MRAS: variants seen among roughly 807,000 people sequenced by gnomAD.
MRAS encodes the protein muscle RAS oncogene homolog.
Under a neutral mutation model 20.9 loss-of-function variants are expected in MRAS, and 4 were observed. The observed-to-expected ratio is 0.19, with a 90% CI of 0.09 to 0.44. MRAS has a LOEUF of 0.44. Among genes scored for constraint, MRAS ranks in the 20% least tolerant of loss-of-function variants. The pLI, the probability that MRAS is intolerant of heterozygous loss-of-function variation, is 0.99. For missense variants in MRAS, 154 were observed against 277.5 expected, an observed-to-expected ratio of 0.56 and a Z score of 3.16; for synonymous variants, 98 against 102.9, an observed-to-expected ratio of 0.95 and a Z score of 0.29.
intron 1 of MRAS, among the ~76,000 whole-genome samples, chr3:138,352,147 G>C (rs1023425974): frequency 5.9e-5 from 9 of 152,230 alleles, no homozygotes; most frequent in African/African-American, 2.2e-4. Flanking sequence ...GGCAGTGCTG[G>C]CACTGCCTCA....
At chr3:138,353,229 G>C (rs2054263822) in intron 1 of MRAS, among the ~76,000 whole-genome samples, 1 of 152,096 alleles carries the variant, frequency 6.6e-6, no homozygotes, top group Admixed American at 6.5e-5. Flanking sequence ...ATTTTGCCCA[G>C]ATTAAGGCTA....
intron 1 of MRAS, among the ~76,000 whole-genome samples, chr3:138,352,065 G>C (rs889100575): frequency 2.0e-5 from 3 of 152,230 alleles, no homozygotes; most frequent in African/African-American, 7.2e-5. Flanking sequence ...AGTACAAATA[G>C]AGTGGGACAG....
At chr3:138,378,091 G>A (rs947660942) in intron 2 of MRAS, among the ~76,000 whole-genome samples, 4 of 152,206 alleles carry the variant, frequency 2.6e-5, no homozygotes, top group Admixed American at 2.0e-4. Context: ...GGGAGCTGAA[G>A]TCCCAGGAAG....
chr3:138,376,787 A>G (rs2054791250), intron 2 of MRAS, among the ~76,000 whole-genome samples: 1 of 152,188 alleles, frequency 6.6e-6, no homozygotes, highest in African/African-American at 2.4e-5. Context: ...CACATATTAG[A>G]GGTGTAGTGA....
intron 1 of MRAS, among the ~76,000 whole-genome samples, chr3:138,370,872 C>T (rs537593721): frequency 3.3e-5 from 5 of 152,048 alleles, no homozygotes; most frequent in South Asian, 4.2e-4. Flanking sequence ...GGATCCACAC[C>T]TGGCATTAGG....
chr3:138,393,764 A>G (rs1350325010), intron 2 of MRAS, among the ~76,000 whole-genome samples: 1 of 151,862 alleles, frequency 6.6e-6, no homozygotes, highest in African/African-American at 2.4e-5. Context: ...ATCTTGGCTC[A>G]CTGCAACCTC....
At chr3:138,367,067 C>CATTTT (rs2054574507) in intron 1 of MRAS, among the ~76,000 whole-genome samples, 1 of 152,146 alleles carries the variant, frequency 6.6e-6, no homozygotes. Flanking sequence ...TGAGCCCTGC[C>CATTTT]GTTTTGCCAT....
Position 138,400,544 on chromosome 3 carries a change from T to C in MRAS, c.458T>C (p.Ile153Thr). Reference sequence around the variant, plus strand: ...AGCTTTGCCTTCCAGATTCCGTACATAGAAACCAGTGCCAAGGACCCACCT... The same window carrying C: ...AGCTTTGCCTTCCAGATTCCGTACACAGAAACCAGTGCCAAGGACCCACCT... ...EMATKHNIPYIETSAKDPPLN... is the reference protein window; with the variant it reads ...EMATKHNIPYTETSAKDPPLN... Residue 153 changes from isoleucine (I) to threonine (T), a missense_variant, in exon 5 of 6, where the codon ATA (isoleucine) becomes ACA (threonine). Physicochemically the swap from Ile to Thr is moderately conservative, Grantham distance 89 (BLOSUM62 -1). Around this residue, in one of 3 missense-constraint regions of MRAS, gnomAD observed 125 missense variants for 213.5 expected, o/e 0.59. Transcript: ENST00000423968. The C allele has an allele frequency of 1.2e-6, 2 of 1,612,754 alleles. No individual in the cohort carries two copies. The highest frequency in any genetic ancestry group is 1.7e-6 in the Non-Finnish European group (2 of 1,178,770).
intron 5 of MRAS, among the ~76,000 whole-genome samples, chr3:138,401,736 G>C (rs921594415): frequency 6.6e-6 from 1 of 152,190 alleles, no homozygotes; most frequent in South Asian, 2.1e-4. Flanking sequence ...TAGTGCCAAG[G>C]TCAGGTTTTA....
At chr3:138,355,220 G>A (rs1367634190) in intron 1 of MRAS, among the ~76,000 whole-genome samples, 3 of 152,114 alleles carry the variant, frequency 2.0e-5, no homozygotes. Context: ...CAGGTGCCTG[G>A]TACTGGGTCC....
chr3:138,382,598 G>C (rs2054927878), intron 2 of MRAS, among the ~76,000 whole-genome samples: 1 of 152,174 alleles, frequency 6.6e-6, no homozygotes, highest in South Asian at 2.1e-4. Flanking sequence ...AGACCCACTA[G>C]CCAGGCTGGG....
rs3841269 is a variant in MRAS, at chr3:138,352,237, CTT to C, written c.-19+3471_-19+3472del. Among the ~76,000 whole-genome samples the C allele has an allele frequency of 1.9e-4, 29 of 152,324 alleles. No individual in the cohort carries two copies. In the East Asian group the frequency reaches 3.9e-3, roughly 20 times the overall value. On this transcript the variant is annotated intron_variant, in intron 1 of 5. Transcript: ENST00000423968. ...CCATGCATTCAATGGTGCCCCATCT[CTT>C]GTTCTCTAGGAAGCATTCCCGCTAC... is the stretch of plus-strand genomic sequence containing the variant.
intron 1 of MRAS, among the ~76,000 whole-genome samples, chr3:138,364,710 C>T (rs1576349856): frequency 6.6e-6 from 1 of 152,212 alleles, no homozygotes; most frequent in Non-Finnish European, 1.5e-5. Context: ...GTCCTCAGGG[C>T]GGAGGGCTAC....
In MRAS at chr3:138,402,784, C is replaced by G. The variant is rs1394498979; in HGVS notation, c.*515C>G. Reference sequence around the variant, plus strand: ...GTGAAGTTTCAAGTGTTCAGCAGACCTCTCTGGTAACATATCTGGAATATT... The same window carrying G: ...GTGAAGTTTCAAGTGTTCAGCAGACGTCTCTGGTAACATATCTGGAATATT... On this transcript the variant is annotated 3_prime_UTR_variant, in exon 6 of 6. Coordinates refer to ENST00000423968, the MANE Select transcript of MRAS (RefSeq NM_001085049.3). 7 of 152,652 alleles carry G rather than the reference C, an allele frequency of 4.6e-5. No individual in the cohort carries two copies. Among genetic ancestry groups the G allele is most frequent in the Admixed American group, 4.6e-4 (7 of 15,278 alleles). The allele number at this position is 152,652 out of a possible 1,614,324, so 9.5% of individuals were successfully genotyped here. A position where few individuals can be genotyped will look rare whatever the true frequency, so the allele number is the denominator to read the frequency against.
intron 1 of MRAS, among the ~76,000 whole-genome samples, chr3:138,362,857 C>T (rs1460445145): frequency 3.3e-5 from 5 of 152,126 alleles, no homozygotes; most frequent in Non-Finnish European, 7.4e-5. Context: ...AATCCCTTCC[C>T]CTGCCACTCT....
intron 1 of MRAS, among the ~76,000 whole-genome samples, chr3:138,369,445 A>G (rs183834516): frequency 6.6e-6 from 1 of 152,136 alleles, no homozygotes; most frequent in Admixed American, 6.5e-5. Context: ...ACATTGGGGG[A>G]CCACAAACCT....
chr3:138,392,510 T>A (rs189922229), intron 2 of MRAS, among the ~76,000 whole-genome samples: 57 of 152,356 alleles, frequency 3.7e-4, no homozygotes, highest in African/African-American at 1.1e-3. Flanking sequence ...AAATCCTTTT[T>A]TTTGTCCACA....
intron 1 of MRAS, among the ~76,000 whole-genome samples, chr3:138,364,288 G>A (rs2054517041): frequency 6.6e-6 from 1 of 152,208 alleles, no homozygotes; most frequent in African/African-American, 2.4e-5. Flanking sequence ...CTTTGGAGAA[G>A]CAGGAGGAGG....
At chr3:138,360,193 G>A (rs2054416835) in intron 1 of MRAS, among the ~76,000 whole-genome samples, 1 of 152,160 alleles carries the variant, frequency 6.6e-6, no homozygotes, top group Admixed American at 6.5e-5. Flanking sequence ...ATTCCCTCTT[G>A]CTGCTACTGC....
Sources: gnomAD v4.1 joint callset for allele counts (sites outside exome capture counted in the v4.1 genomes callset) on GRCh38, gnomAD v4.1.1 for gene constraint, gnomAD v4.1.1 regional missense constraint, MANE v1.5 for transcripts, NCBI Gene and HGNC (gene_info 2026-07-23, HGNC 2026-07-21) for gene names.